The following RPS6KC1 variants were observed in gnomAD, a reference collection of about 807,000 sequenced individuals.
RPS6KC1 encodes inactive ribosomal protein S6 kinase delta-1.
Under a neutral mutation model 103.8 loss-of-function variants are expected in RPS6KC1, and 54 were observed. That is an observed-to-expected ratio of 0.52 (90% CI 0.42 to 0.65). RPS6KC1 has a LOEUF of 0.65. Among genes scored for constraint, RPS6KC1 ranks in the 30% least tolerant of loss-of-function variants. RPS6KC1 has a pLI of 0.00. For synonymous variants in RPS6KC1, 439 were observed against 438.7 expected, an observed-to-expected ratio of 1.00 and a Z score of -0.01; for missense variants, 1,151 against 1,253.8, an observed-to-expected ratio of 0.92 and a Z score of 1.24.
Position 213,059,537 on chromosome 1 carries a change from C to T in RPS6KC1, c.105+8028C>T, listed in dbSNP as rs1029981654. On this transcript the variant is annotated intron_variant, in intron 1 of 14. Coordinates refer to ENST00000366960, the MANE Select transcript of RPS6KC1 (RefSeq NM_012424.6). Reference sequence around the variant, plus strand: ...TTATTTATATATATATATTTTGAGACAGAGTCTCACTTGTCATCCAGGCTG... The same window carrying T: ...TTATTTATATATATATATTTTGAGATAGAGTCTCACTTGTCATCCAGGCTG... Among the ~76,000 whole-genome samples the T allele has an allele frequency of 2.6e-5, 4 of 152,210 alleles. No individual in the cohort carries two copies. In the South Asian group the frequency reaches 8.3e-4, roughly 32 times the overall value.
chr1:213,326,204 A>G, the RPS6KC1 span, among the ~76,000 whole-genome samples: 6 of 151,598 alleles, frequency 4.0e-5, no homozygotes, highest in African/African-American at 1.2e-4. Flanking sequence ...TAAATAAGAG[A>G]AAAAAAAAGA....
At chr1:213,500,093 T>C in the RPS6KC1 span, among the ~76,000 whole-genome samples, 1 of 152,236 alleles carries the variant, frequency 6.6e-6, no homozygotes, top group Admixed American at 6.5e-5. Flanking sequence ...ACTGTAACTT[T>C]TCAAAACTTT....
chr1:213,573,790 G>A, the RPS6KC1 span, among the ~76,000 whole-genome samples: 10 of 152,192 alleles, frequency 6.6e-5, no homozygotes, highest in Non-Finnish European at 8.8e-5. Context: ...AAATGAAAGC[G>A]TCTAAACAAT....
the RPS6KC1 span, among the ~76,000 whole-genome samples, chr1:213,737,837 C>T: frequency 6.6e-6 from 1 of 152,220 alleles, no homozygotes; most frequent in African/African-American, 2.4e-5. Context: ...CCTGGCCAGC[C>T]AGGCTGATTT....
the RPS6KC1 span, among the ~76,000 whole-genome samples, chr1:213,596,028 G>T: frequency 5.9e-5 from 9 of 152,298 alleles, no homozygotes; most frequent in South Asian, 1.9e-3. Context: ...GAGAGAAAAA[G>T]ACATGGAAAA....
the RPS6KC1 span, among the ~76,000 whole-genome samples, chr1:213,797,509 A>G: frequency 2.0e-5 from 3 of 152,222 alleles, no homozygotes; most frequent in South Asian, 6.2e-4. Flanking sequence ...AGTGTACACT[A>G]TGAAATACTA....
chr1:213,279,011 G>A (rs149018124), downstream of RPS6KC1, among the ~76,000 whole-genome samples: 472 of 152,190 alleles, frequency 3.1e-3, 3 homozygotes, highest in African/African-American at 0.011. Flanking sequence ...TGGCTGGTTC[G>A]TAGATAACGT....
At chr1:213,854,556 CTT>C in the RPS6KC1 span, among the ~76,000 whole-genome samples, 352 of 107,356 alleles carry the variant, frequency 3.3e-3, 2 homozygotes, top group African/African-American at 0.016. Context: ...TTCTTTCTTT[CTT>C]TCTTTCTCTC....
the RPS6KC1 span, among the ~76,000 whole-genome samples, chr1:213,557,148 C>T: frequency 1.3e-5 from 2 of 152,190 alleles, no homozygotes; most frequent in Non-Finnish European, 1.5e-5. Flanking sequence ...GGGCCTGCTT[C>T]AGCCCTCTTC....
chr1:213,545,701 A>T, the RPS6KC1 span, among the ~76,000 whole-genome samples: 1 of 151,868 alleles, frequency 6.6e-6, no homozygotes, highest in Non-Finnish European at 1.5e-5. Flanking sequence ...CACTGGGGGG[A>T]CACAATTCAA....
chr1:213,530,584 A>T, the RPS6KC1 span, among the ~76,000 whole-genome samples: 4 of 152,238 alleles, frequency 2.6e-5, no homozygotes, highest in Non-Finnish European at 5.9e-5. Flanking sequence ...CTCACAGTTA[A>T]TAAGTGCATC....
At chr1:213,350,740 G>A in the RPS6KC1 span, among the ~76,000 whole-genome samples, 22 of 152,194 alleles carry the variant, frequency 1.4e-4, no homozygotes, top group Admixed American at 1.3e-3. Context: ...GAAGTTATAT[G>A]TTATCTTACC....
At chr1:213,557,355 T>A in the RPS6KC1 span, among the ~76,000 whole-genome samples, 1 of 152,318 alleles carries the variant, frequency 6.6e-6, no homozygotes, top group Admixed American at 6.5e-5. Flanking sequence ...AAAGTCTCCA[T>A]GCTGGCTACA....
intron 3 of RPS6KC1, among the ~76,000 whole-genome samples, chr1:213,099,060 A>T (rs1254790995): frequency 2.6e-5 from 4 of 152,204 alleles, no homozygotes; most frequent in African/African-American, 9.6e-5. Flanking sequence ...ATGATTTCTC[A>T]TGTTGTTACA....
chr1:213,758,111 A>G, the RPS6KC1 span, among the ~76,000 whole-genome samples: 1 of 152,260 alleles, frequency 6.6e-6, no homozygotes, highest in African/African-American at 2.4e-5. Flanking sequence ...TGATAACACA[A>G]CATCCATTCT....
chr1:213,113,695 C>A (rs953262047), intron 4 of RPS6KC1, among the ~76,000 whole-genome samples: 1 of 151,410 alleles, frequency 6.6e-6, no homozygotes, highest in African/African-American at 2.4e-5. Context: ...GGTTTTAGGT[C>A]TAACGTTTAA....
At chr1:213,227,836 C>T (rs944483444) in intron 8 of RPS6KC1, among the ~76,000 whole-genome samples, 4 of 152,078 alleles carry the variant, frequency 2.6e-5, no homozygotes, top group East Asian at 1.9e-4. Context: ...TTTTCATAGA[C>T]GATAGTTCTC....
At chr1:213,734,767 A>G in the RPS6KC1 span, among the ~76,000 whole-genome samples, 8 of 152,238 alleles carry the variant, frequency 5.3e-5, no homozygotes, top group Non-Finnish European at 1.5e-5. Context: ...TTCAATGTAA[A>G]TAATTAATAT....
chr1:213,519,584 C>T, the RPS6KC1 span, among the ~76,000 whole-genome samples: 1 of 152,122 alleles, frequency 6.6e-6, no homozygotes, highest in African/African-American at 2.4e-5. Flanking sequence ...AATGTTTAGG[C>T]TGCTTGAGGT....
Sources: gnomAD v4.1 joint callset for allele counts (sites outside exome capture counted in the v4.1 genomes callset) on GRCh38, gnomAD v4.1.1 for gene constraint, MANE v1.5 for transcripts, NCBI Gene and HGNC (gene_info 2026-07-23, HGNC 2026-07-21) for gene names.